Variants in FBXL20 observed in about 807,000 individuals in gnomAD.
The protein encoded by FBXL20 is F-box and leucine rich repeat protein 20, also known as F-box/LRR-repeat protein 20.
FBXL20 carries 11 observed loss-of-function variants against 64.0 expected under a neutral mutation model. That is an observed-to-expected ratio of 0.17 (90% CI 0.11 to 0.28). FBXL20 has a LOEUF of 0.28. Among genes scored for constraint, FBXL20 ranks in the 10% least tolerant of loss-of-function variants. The pLI, the probability that FBXL20 is intolerant of heterozygous loss-of-function variation, is 1.00. For synonymous variants in FBXL20, 184 were observed against 189.0 expected, an observed-to-expected ratio of 0.97 and a Z score of 0.22; for missense variants, 303 against 526.2, an observed-to-expected ratio of 0.58 and a Z score of 4.15.
chr17:39,264,610 A>C (rs2046775988), intron 13 of FBXL20, among the ~76,000 whole-genome samples: 1 of 152,236 alleles, frequency 6.6e-6, no homozygotes, highest in Non-Finnish European at 1.5e-5. Context: ...ATATTTTATA[A>C]ATTCATGTAA....
At chr17:39,339,486 T>G (rs368428440) in intron 2 of FBXL20, among the ~76,000 whole-genome samples, 12 of 152,250 alleles carry the variant, frequency 7.9e-5, no homozygotes, top group East Asian at 5.8e-4. Flanking sequence ...GAAATCCTGC[T>G]GTATTTCCTG....
Position 39,308,116 on chromosome 17 carries a change from GGATCACTTGCGGCCAAAAGTTT to G in FBXL20, c.105-4499_105-4478del, listed in dbSNP as rs1433780958. On this transcript the variant is annotated intron_variant, in intron 2 of 14. Coordinates refer to ENST00000264658, the MANE Select transcript of FBXL20 (RefSeq NM_032875.3). ...ACTCTGGGAGGCCAAGGCAGGTGGAGGATCACTTGCGGCCAAAAGTTTGATCTTTTTTTTTTTTTTTCCTAAA... is the reference window on the plus strand; with the variant it reads ...ACTCTGGGAGGCCAAGGCAGGTGGAGGATCTTTTTTTTTTTTTTTCCTAAA... Among the ~76,000 whole-genome samples the G allele has an allele frequency of 1.2e-3, 178 of 152,154 alleles. 1 individual carries two copies. In the Middle Eastern group the frequency reaches 0.021, roughly 18 times the overall value.
chr17:39,371,502 T>C (rs887999719), intron 1 of FBXL20, among the ~76,000 whole-genome samples: 1 of 152,202 alleles, frequency 6.6e-6, no homozygotes, highest in East Asian at 1.9e-4. Context: ...ACACTACTAA[T>C]TGTATAGACT....
intron 6 of FBXL20, among the ~76,000 whole-genome samples, chr17:39,291,001 G>A (rs879380987): frequency 4.8e-5 from 7 of 146,530 alleles, no homozygotes; most frequent in Non-Finnish European, 7.5e-5. Flanking sequence ...TCGCTCTGTC[G>A]CCCAGGCTGG....
In FBXL20 at chr17:39,401,618, G is replaced by C; in HGVS notation, c.-216C>G. 2 of 1,397,730 alleles carry C rather than the reference G, an allele frequency of 1.4e-6. No homozygotes were observed. The highest frequency in any genetic ancestry group is 1.8e-6 in the Non-Finnish European group (2 of 1,084,344). The allele number at this position is 1,397,730 out of a possible 1,614,324, so 86.6% of individuals were successfully genotyped here. ...GCAACGACTGCTCGTCGCTAGCTCG[G>C]CTCTCTCCTCAGCCTCAACTTCAAC... On this transcript the variant is annotated 5_prime_UTR_variant, in exon 1 of 15. Coordinates refer to ENST00000264658, the MANE Select transcript of FBXL20 (RefSeq NM_032875.3).
chr17:39,383,002 A>C (rs2048040796), intron 1 of FBXL20, among the ~76,000 whole-genome samples: 2 of 147,866 alleles, frequency 1.4e-5, no homozygotes, highest in Non-Finnish European at 3.0e-5. Context: ...TAAAAATACA[A>C]AAAAAAAAAA....
At chr17:39,334,941 T>TA (rs2047505885) in intron 2 of FBXL20, among the ~76,000 whole-genome samples, 1 of 152,036 alleles carries the variant, frequency 6.6e-6, no homozygotes, top group Non-Finnish European at 1.5e-5. Flanking sequence ...TAAAAGAAAT[T>TA]AAAGAATGTG....
intron 2 of FBXL20, among the ~76,000 whole-genome samples, chr17:39,337,529 T>A: frequency 6.8e-6 from 1 of 147,590 alleles, no homozygotes; most frequent in African/African-American, 2.5e-5. Context: ...GCCCATCGTC[T>A]GAGATGTGGG....
Position 39,259,163 on chromosome 17 carries a change from CATTA to C in FBXL20, c.*2293_*2296del, listed in dbSNP as rs1349269869. The C allele has an allele frequency of 3.9e-5, 6 of 152,000 alleles. No individual in the cohort carries two copies. Among genetic ancestry groups the C allele is most frequent in the African/African-American group, 1.5e-4 (6 of 41,370 alleles). The allele number at this position is 152,000 out of a possible 1,614,324, so 9.4% of individuals were successfully genotyped here. On this transcript the variant is annotated 3_prime_UTR_variant, in exon 15 of 15. Transcript: ENST00000264658. ...ATGCTGGTATAATCAGCAACTGCAG[CATTA>C]AAACAAACCTCTTAAGCTGGGTACA...
chr17:39,302,711 T>C (rs927749153), intron 3 of FBXL20, among the ~76,000 whole-genome samples: 1 of 152,072 alleles, frequency 6.6e-6, no homozygotes, highest in African/African-American at 2.4e-5. Flanking sequence ...GGGCTCCCTA[T>C]GTTGCCCAGG....
chr17:39,401,836 A>C, upstream of FBXL20: 1 of 507,978 alleles, frequency 2.0e-6, no homozygotes, highest in Non-Finnish European at 2.7e-6. Context: ...CGGCGGCGGC[A>C]CGACCCCCTG....
chr17:39,284,790 T>A (rs1765901860), intron 7 of FBXL20, among the ~76,000 whole-genome samples: 1 of 152,198 alleles, frequency 6.6e-6, no homozygotes, highest in African/African-American at 2.4e-5. Context: ...TTATATGGTG[T>A]TGCCTAATAC....
chr17:39,266,251 G>A (rs1249800493), intron 12 of FBXL20, among the ~76,000 whole-genome samples: 3 of 136,378 alleles, frequency 2.2e-5, no homozygotes, highest in African/African-American at 5.6e-5. Context: ...AGATAGTCTC[G>A]CTCTGTTGCC....
intron 1 of FBXL20, among the ~76,000 whole-genome samples, chr17:39,346,677 G>C (rs923037705): frequency 1.3e-5 from 2 of 151,946 alleles, no homozygotes; most frequent in African/African-American, 4.8e-5. Context: ...TACTAGAAAT[G>C]CTAATGACTG....
chr17:39,360,560 C>A (rs552211388), intron 1 of FBXL20, among the ~76,000 whole-genome samples: 1 of 151,918 alleles, frequency 6.6e-6, no homozygotes, highest in African/African-American at 2.4e-5. Context: ...GGGTTAGGAG[C>A]GGGACAAAAA....
chr17:39,318,312 T>C (rs1597794840), intron 2 of FBXL20, among the ~76,000 whole-genome samples: 2 of 152,156 alleles, frequency 1.3e-5, no homozygotes, highest in South Asian at 2.1e-4. Flanking sequence ...GCATCTTTGA[T>C]AGGATGTGGT....
chr17:39,370,168 T>C (rs547963066), intron 1 of FBXL20, among the ~76,000 whole-genome samples: 1 of 151,430 alleles, frequency 6.6e-6, no homozygotes, highest in Non-Finnish European at 1.5e-5. Flanking sequence ...TGTTTGCATG[T>C]GTCCTTAACA....
chr17:39,380,334 T>G (rs374571162), intron 1 of FBXL20, among the ~76,000 whole-genome samples: 12 of 152,308 alleles, frequency 7.9e-5, no homozygotes, highest in African/African-American at 2.9e-4. Flanking sequence ...CACCACCCTG[T>G]TCCGAATTCC....
intron 1 of FBXL20, among the ~76,000 whole-genome samples, chr17:39,387,947 T>C (rs1199112201): frequency 6.6e-6 from 1 of 152,118 alleles, no homozygotes; most frequent in Non-Finnish European, 1.5e-5. Context: ...CCCATCTGTA[T>C]TATAAAAACT....
Sources: allele counts gnomAD v4.1 joint callset (sites outside exome capture counted in the v4.1 genomes callset), GRCh38; gene constraint gnomAD v4.1.1; transcripts MANE v1.5; gene names NCBI Gene and HGNC (gene_info 2026-07-23, HGNC 2026-07-21).